Variants in ADAMTS9 observed in about 807,000 individuals in gnomAD.
ADAMTS9 encodes the protein A disintegrin and metalloproteinase with thrombospondin motifs 9.
Under a neutral mutation model 257.1 loss-of-function variants are expected in ADAMTS9, and 107 were observed. The observed-to-expected ratio is 0.42, with a 90% CI of 0.36 to 0.49. The LOEUF is 0.49. ADAMTS9 is among the 20% of genes least tolerant of loss of function. The probability of loss-of-function intolerance (pLI) is 0.03; values close to 1 mark genes in which losing one functional copy is unlikely to be tolerated. For missense variants in ADAMTS9, 2,353 were observed against 2,469.1 expected, an observed-to-expected ratio of 0.95 and a Z score of 1.00; for synonymous variants, 982 against 880.9, an observed-to-expected ratio of 1.11 and a Z score of -2.03.
intron 8 of ADAMTS9, among the ~76,000 whole-genome samples, chr3:64,652,816 C>T (rs1445502239): frequency 6.6e-6 from 1 of 152,146 alleles, no homozygotes; most frequent in Non-Finnish European, 1.5e-5. Flanking sequence ...CATCCCTAAT[C>T]TCAAAACCCC....
intron 32 of ADAMTS9, 109 bp downstream of exon 32, chr3:64,546,649 G>T: frequency 8.4e-7 from 1 of 1,193,796 alleles, no homozygotes. Flanking sequence ...TAACTCCAGG[G>T]TTTCTCCTGG....
chr3:64,573,265 T>C (rs1465462099), intron 28 of ADAMTS9, among the ~76,000 whole-genome samples: 1 of 152,126 alleles, frequency 6.6e-6, no homozygotes, highest in East Asian at 1.9e-4. Context: ...TCTATGTATC[T>C]AGGTGATTCC....
At chr3:64,637,893 T>A (rs1355135821) in intron 12 of ADAMTS9, among the ~76,000 whole-genome samples, 1 of 152,236 alleles carries the variant, frequency 6.6e-6, no homozygotes, top group Non-Finnish European at 1.5e-5. Flanking sequence ...CATTAGTTAA[T>A]GGCTCTTCCA....
In ADAMTS9 at chr3:64,613,214, G is replaced by C. The variant is rs182936359; in HGVS notation, c.3354+131C>G. On this transcript the variant is annotated intron_variant, in intron 22 of 39. Coordinates refer to ENST00000498707, the MANE Select transcript of ADAMTS9 (RefSeq NM_182920.2). ...TGCAGAGTTACATGTGCTTGATCCA[G>C]TGCCATGGAGGTGTCCTGCATGCCA... 3.3e-4 allele frequency: 344 copies of C among 1,048,136 alleles called. 1 individual carries two copies. Among genetic ancestry groups the C allele is most frequent in the South Asian group, 6.2e-4 (38 of 61,050 alleles). 64.9% of individuals were successfully genotyped at this position (1,048,136 alleles called of 1,614,324 possible). A position where few individuals can be genotyped will look rare whatever the true frequency, so the allele number is the denominator to read the frequency against.
At chr3:64,548,598 G>GT (rs1017077962) in intron 31 of ADAMTS9, among the ~76,000 whole-genome samples, 3 of 151,742 alleles carry the variant, frequency 2.0e-5, no homozygotes, top group South Asian at 2.1e-4. Context: ...TATTTATGTG[G>GT]GGGGGAGCCC....
At chr3:64,585,693 T>C (rs2084130284) in intron 28 of ADAMTS9, among the ~76,000 whole-genome samples, 1 of 152,162 alleles carries the variant, frequency 6.6e-6, no homozygotes, top group South Asian at 2.1e-4. Context: ...TCATCCTGAC[T>C]ATCTATATAT....
At chr3:64,571,972 C>A (rs1465449940) in intron 28 of ADAMTS9, among the ~76,000 whole-genome samples, 1 of 152,182 alleles carries the variant, frequency 6.6e-6, no homozygotes, top group African/African-American at 2.4e-5. Context: ...TTTAGTGTGT[C>A]ACCTAGTACG....
chr3:64,600,094 C>T (rs1441890595), intron 26 of ADAMTS9, among the ~76,000 whole-genome samples: 3 of 139,476 alleles, frequency 2.2e-5, no homozygotes, highest in African/African-American at 8.0e-5. Context: ...ATTGCTAACA[C>T]ACCTTGCTCA....
chr3:64,684,555 G>A (rs1177420210), intron 2 of ADAMTS9, among the ~76,000 whole-genome samples: 2 of 152,138 alleles, frequency 1.3e-5, no homozygotes, highest in Non-Finnish European at 2.9e-5. Context: ...AGACAAAGGG[G>A]CAGGGGTTTT....
intron 3 of ADAMTS9, among the ~76,000 whole-genome samples, chr3:64,671,752 C>T (rs551702907): frequency 2.6e-5 from 4 of 152,186 alleles, no homozygotes; most frequent in Non-Finnish European, 5.9e-5. Context: ...TTTACCCATG[C>T]TCTTTTTGTG....
chr3:64,550,938 C>G lies in ADAMTS9; in HGVS notation c.4823G>C (p.Ser1608Thr). Residue 1608 changes from serine to threonine, a missense_variant, in exon 31 of 40, where the codon AGT (serine) becomes ACT (threonine). Physicochemically the swap from Ser to Thr is moderately conservative, Grantham distance 58. This residue lies in a region of ADAMTS9 where 1,402 missense variants were observed against 1,441.4 expected (regional missense o/e 0.97). Coordinates refer to ENST00000498707, the MANE Select transcript of ADAMTS9 (RefSeq NM_182920.2). ...SKRPVDRESC[S>T]LQPCEYVWIT... The stretch of plus-strand genomic sequence containing the variant: ...CCAGACATACTCGCAGGGTTGCAAA[C>G]TACAGCTTTCACGGTCCACCGGCCG... 1.9e-6 allele frequency: 3 copies of G among 1,614,178 alleles called. No homozygotes were observed. Among genetic ancestry groups the G allele is most frequent in the East Asian group, 2.2e-5 (1 of 44,854 alleles).
rs752432581 is a variant in ADAMTS9, at chr3:64,613,380, C to A, written c.3319G>T (p.Glu1107Ter). ...PTSMQTCQQP[E>*]CASWQAGPWG... ...GGACCCGCCTGCCAGGATGCACATT[C>A]CGGCTGCTGACAAGTCTGCATAGAT... Residue 1107 changes from glutamate to a stop codon, truncating the protein, a stop_gained, in exon 22 of 40, where the codon GAA (glutamate) becomes TAA (stop). Coordinates refer to ENST00000498707, the MANE Select transcript of ADAMTS9 (RefSeq NM_182920.2). LOFTEE classifies it high-confidence loss of function. The A allele has an allele frequency of 6.2e-7, 1 of 1,613,878 alleles. No homozygotes were observed. Among genetic ancestry groups the A allele is most frequent in the Non-Finnish European group, 8.5e-7 (1 of 1,179,862 alleles).
intron 28 of ADAMTS9, among the ~76,000 whole-genome samples, chr3:64,585,177 T>TC (rs1358397153): frequency 6.6e-6 from 1 of 152,208 alleles, no homozygotes; most frequent in African/African-American, 2.4e-5. Flanking sequence ...AACAGGTTTT[T>TC]CACTTAAAAT....
intron 22 of ADAMTS9, among the ~76,000 whole-genome samples, chr3:64,610,200 T>G (rs2084638834): frequency 6.6e-6 from 1 of 152,228 alleles, no homozygotes; most frequent in South Asian, 2.1e-4. Context: ...TGACATTGGA[T>G]TCGGCAATGA....
intron 26 of ADAMTS9, among the ~76,000 whole-genome samples, chr3:64,598,870 G>C (rs1401678210): frequency 6.6e-6 from 1 of 152,016 alleles, no homozygotes; most frequent in Non-Finnish European, 1.5e-5. Flanking sequence ...TTGAGGAAAG[G>C]CTCAATGTTT....
chr3:64,616,279 C>G, intron 19 of ADAMTS9, 109 bp from the exon 20 acceptor site: 3 of 1,193,898 alleles, frequency 2.5e-6, no homozygotes, highest in Non-Finnish European at 3.6e-6. Context: ...TTTCTTAACT[C>G]GAATACCATG....
intron 28 of ADAMTS9, among the ~76,000 whole-genome samples, chr3:64,571,982 G>A (rs1018195855): frequency 3.3e-5 from 5 of 152,170 alleles, no homozygotes; most frequent in African/African-American, 7.2e-5. Context: ...CACCTAGTAC[G>A]TGCTATTTAT....
At chr3:64,642,353 T>C (rs1419344570) in intron 11 of ADAMTS9, among the ~76,000 whole-genome samples, 1 of 152,092 alleles carries the variant, frequency 6.6e-6, no homozygotes, top group African/African-American at 2.4e-5. Context: ...AAGATTTGCA[T>C]AGTGAATTTC....
intron 30 of ADAMTS9, among the ~76,000 whole-genome samples, chr3:64,554,315 A>G (rs2083304574): frequency 6.6e-6 from 1 of 152,240 alleles, no homozygotes; most frequent in Non-Finnish European, 1.5e-5. Context: ...TTACAAAATT[A>G]AAAATTAAAC....
Sources: gnomAD v4.1 joint callset for allele counts (sites outside exome capture counted in the v4.1 genomes callset) on GRCh38, gnomAD v4.1.1 for gene constraint, gnomAD v4.1.1 regional missense constraint, MANE v1.5 for transcripts, NCBI Gene and HGNC (gene_info 2026-07-23, HGNC 2026-07-21) for gene names.